BMPR1A: variants seen among roughly 807,000 people sequenced by gnomAD.
The protein encoded by BMPR1A is bone morphogenetic protein receptor type-1A.
Under a neutral mutation model 66.0 loss-of-function variants are expected in BMPR1A, and 7 were observed. The observed-to-expected ratio is 0.11, with a 90% CI of 0.06 to 0.20. The LOEUF is 0.20. Among genes scored for constraint, BMPR1A ranks in the 10% least tolerant of loss-of-function variants. The pLI is 1.00. For missense variants in BMPR1A, 408 were observed against 669.1 expected (o/e 0.61, Z 4.31); for synonymous variants, 200 against 229.7 (o/e 0.87, Z 1.17).
intron 2 of BMPR1A, among the ~76,000 whole-genome samples, chr10:86,859,856 C>G (rs1310820440): frequency 6.6e-6 from 1 of 152,058 alleles, no homozygotes; most frequent in Non-Finnish European, 1.5e-5. Context: ...CAGTTCCAAC[C>G]TGTATTGTTC....
chr10:86,855,257 A>ATTC (rs1441050467), intron 2 of BMPR1A: 1 of 1,094,120 alleles, frequency 9.1e-7, no homozygotes, highest in African/African-American at 1.6e-5. Flanking sequence ...CAGAAGCATA[A>ATTC]TTCTGGCCAT....
chr10:86,901,431 T>G (rs1024920218), intron 7 of BMPR1A, among the ~76,000 whole-genome samples: 17 of 152,228 alleles, frequency 1.1e-4, no homozygotes, highest in African/African-American at 3.6e-4. Flanking sequence ...ACCCTCAACT[T>G]TACTTCCAGA....
chr10:86,887,840 A>G (rs1843087936), intron 3 of BMPR1A, among the ~76,000 whole-genome samples: 1 of 152,170 alleles, frequency 6.6e-6, no homozygotes, highest in Non-Finnish European at 1.5e-5. Flanking sequence ...TATAGAGTAA[A>G]TGAAGCCTGG....
chr10:86,833,053 T>A (rs2133077457), intron 1 of BMPR1A, among the ~76,000 whole-genome samples: 1 of 152,160 alleles, frequency 6.6e-6, no homozygotes, highest in Non-Finnish European at 1.5e-5. Flanking sequence ...AAGGCTGAAG[T>A]GAGCCATGAT....
intron 1 of BMPR1A, among the ~76,000 whole-genome samples, chr10:86,828,183 A>G (rs1057193314): frequency 2.0e-5 from 3 of 152,094 alleles, no homozygotes; most frequent in Non-Finnish European, 4.4e-5. Context: ...TGGTACAACA[A>G]TTACTTGATC....
chr10:86,852,625 A>G (rs1842586396), intron 2 of BMPR1A, among the ~76,000 whole-genome samples: 1 of 152,228 alleles, frequency 6.6e-6, no homozygotes, highest in Non-Finnish European at 1.5e-5. Flanking sequence ...AGCCTTAAAT[A>G]TTCATATTTG....
chr10:86,901,068 G>T (rs1305957179), intron 7 of BMPR1A, among the ~76,000 whole-genome samples: 1 of 152,234 alleles, frequency 6.6e-6, no homozygotes, highest in Admixed American at 6.5e-5. Flanking sequence ...CACTCTGGGG[G>T]AAGCCAGGCA....
At chr10:86,805,493 G>T (rs1184973968) in intron 1 of BMPR1A, among the ~76,000 whole-genome samples, 1 of 127,108 alleles carries the variant, frequency 7.9e-6, no homozygotes, top group African/African-American at 3.0e-5. Flanking sequence ...ACGGAGTCTC[G>T]CTCTGTCGCC....
At chr10:86,809,433 G>A (rs1484168263) in intron 1 of BMPR1A, among the ~76,000 whole-genome samples, 3 of 151,826 alleles carry the variant, frequency 2.0e-5, no homozygotes, top group African/African-American at 2.4e-5. Context: ...GGGACTACAG[G>A]TGCGTGCCAT....
rs1173515018 is a variant in BMPR1A, at chr10:86,927,294, T to C, written c.*3575T>C. 5.2e-6 allele frequency: 1 copy of C among 192,520 alleles called. No individual in the cohort carries two copies. Among genetic ancestry groups the C allele is most frequent in the Non-Finnish European group, 1.1e-5 (1 of 92,020 alleles). 11.9% of individuals were successfully genotyped at this position (192,520 alleles called of 1,614,324 possible). A position where few individuals can be genotyped will look rare whatever the true frequency, so the allele number is the denominator to read the frequency against. On this transcript the variant is annotated 3_prime_UTR_variant, in exon 13 of 13. Transcript: ENST00000372037. The stretch of plus-strand genomic sequence containing the variant: ...TAAACATACTTCATAGATGTTGTTT[T>C]GAAATGTTTCTAAATATCTAAAATC...
intron 5 of BMPR1A, among the ~76,000 whole-genome samples, chr10:86,892,896 T>C (rs1843173354): frequency 6.6e-6 from 1 of 151,994 alleles, no homozygotes; most frequent in African/African-American, 2.4e-5. Flanking sequence ...TTTTTCTTTT[T>C]TTAAATTTTA....
intron 1 of BMPR1A, among the ~76,000 whole-genome samples, chr10:86,801,229 C>G (rs1841807139): frequency 6.6e-6 from 1 of 152,154 alleles, no homozygotes; most frequent in Non-Finnish European, 1.5e-5. Context: ...GAGCCTTGAC[C>G]TCCCCACGCT....
Position 86,766,111 on chromosome 10 carries a change from T to C in BMPR1A, c.-268+9192T>C, listed in dbSNP as rs7905380. Reference sequence around the variant, plus strand: ...AAGCAATCCTCCCATCTCAGCCTCCTGAATAGCTGGGACCAGAGGTGCATG... The same window carrying C: ...AAGCAATCCTCCCATCTCAGCCTCCCGAATAGCTGGGACCAGAGGTGCATG... On this transcript the variant is annotated intron_variant, in intron 1 of 12. Coordinates refer to ENST00000372037, the MANE Select transcript of BMPR1A (RefSeq NM_004329.3). Among the ~76,000 whole-genome samples, 37,246 of 151,394 alleles carry C rather than the reference T, an allele frequency of 0.25. 7,997 individuals carry two copies. The highest frequency in any genetic ancestry group is 0.59 in the African/African-American group (24,152 of 41,208).
intron 11 of BMPR1A, among the ~76,000 whole-genome samples, chr10:86,922,588 G>A (rs1348718152): frequency 6.6e-6 from 1 of 152,230 alleles, no homozygotes; most frequent in Non-Finnish European, 1.5e-5. Flanking sequence ...AATCAGCCAA[G>A]TTTAGAAAAC....
intron 1 of BMPR1A, among the ~76,000 whole-genome samples, chr10:86,796,025 A>G (rs1323953816): frequency 6.6e-6 from 1 of 152,186 alleles, no homozygotes; most frequent in Non-Finnish European, 1.5e-5. Flanking sequence ...CAAAGCAGTT[A>G]CAATATTTCT....
chr10:86,760,192 T>TG (rs1841021409), intron 1 of BMPR1A, among the ~76,000 whole-genome samples: 2 of 148,648 alleles, frequency 1.3e-5, no homozygotes, highest in African/African-American at 2.5e-5. Context: ...TTACCTGTTT[T>TG]TTTTTTTTTT....
intron 1 of BMPR1A, among the ~76,000 whole-genome samples, chr10:86,793,946 C>CGGA (rs1177022103): frequency 6.6e-6 from 1 of 152,270 alleles, no homozygotes; most frequent in East Asian, 1.9e-4. Context: ...TTCACCTTCA[C>CGGA]AGTCAGCAAG....
chr10:86,874,866 A>T (rs1322223147), intron 2 of BMPR1A, among the ~76,000 whole-genome samples: 2 of 151,146 alleles, frequency 1.3e-5, no homozygotes, highest in Admixed American at 6.6e-5. Context: ...CTGGGATTAC[A>T]GGCACCCACC....
At chr10:86,865,062 TG>T (rs1842765852) in intron 2 of BMPR1A, among the ~76,000 whole-genome samples, 1 of 145,026 alleles carries the variant, frequency 6.9e-6, no homozygotes, top group African/African-American at 2.8e-5. Flanking sequence ...GTCAGGCCTC[TG>T]AGCCCAAGCC....
Sources: allele counts gnomAD v4.1 joint callset (sites outside exome capture counted in the v4.1 genomes callset), GRCh38; gene constraint gnomAD v4.1.1; transcripts MANE v1.5; gene names NCBI Gene and HGNC (gene_info 2026-07-23, HGNC 2026-07-21).